The following RAD51B variants were observed in gnomAD, a reference collection of about 807,000 sequenced individuals.
RAD51B encodes DNA repair protein RAD51 homolog 2.
In RAD51B, 38 loss-of-function variants were observed where a neutral mutation model predicts 42.2. That is an observed-to-expected ratio of 0.90 (90% CI 0.70 to 1.18). The LOEUF is 1.18. RAD51B is among the 50% of genes most tolerant of loss of function. RAD51B has a pLI of 0.00. For synonymous variants in RAD51B, 154 were observed against 145.2 expected, an observed-to-expected ratio of 1.06 and a Z score of -0.43; for missense variants, 373 against 400.7, an observed-to-expected ratio of 0.93 and a Z score of 0.59.
chr14:68,475,711 A>G (rs1208394415), intron 10 of RAD51B, among the ~76,000 whole-genome samples: 2 of 152,190 alleles, frequency 1.3e-5, no homozygotes, highest in Non-Finnish European at 1.5e-5. Flanking sequence ...ATGAAACAAA[A>G]TATCAGTTGA....
chr14:68,295,763 G>T (rs943344718), intron 8 of RAD51B, among the ~76,000 whole-genome samples: 2 of 152,120 alleles, frequency 1.3e-5, no homozygotes, highest in Non-Finnish European at 2.9e-5. Context: ...TCATTTTATC[G>T]CTGGCTGCTC....
intron 10 of RAD51B, among the ~76,000 whole-genome samples, chr14:68,526,222 G>T (rs1464599852): frequency 6.6e-6 from 1 of 152,152 alleles, no homozygotes; most frequent in East Asian, 1.9e-4. Flanking sequence ...AAATCTTGAG[G>T]CAAGTCATTT....
At chr14:68,630,219 T>G (rs17106065) in intron 10 of RAD51B, among the ~76,000 whole-genome samples, 4,864 of 152,238 alleles carry the variant, frequency 0.032, 240 homozygotes, top group African/African-American at 0.11. Context: ...ATTGCCTGGG[T>G]TGCTAAGTGG....
intron 4 of RAD51B, among the ~76,000 whole-genome samples, chr14:67,859,517 A>G (rs1486140537): frequency 6.6e-6 from 1 of 152,234 alleles, no homozygotes; most frequent in African/African-American, 2.4e-5. Context: ...TAACAAAGAA[A>G]CACTTTCTGA....
Position 68,052,796 on chromosome 14 carries a change from G to GT in RAD51B, c.756+165605dup, listed in dbSNP as rs1160215989. 4.1e-3 allele frequency among the ~76,000 whole-genome samples: 580 copies of GT among 141,296 alleles called. 1 individual carries two copies. The highest frequency in any genetic ancestry group is 5.7e-3 in the East Asian group (28 of 4,886). 92.7% of individuals were successfully genotyped at this position (141,296 alleles called of 152,430 possible). A position where few individuals can be genotyped will look rare whatever the true frequency, so the allele number is the denominator to read the frequency against. ...CCACCATGCCTGGCTATTTTTTTGT[G>GT]TTTTTTTTTTTTTCTTTTGTAGAGA... On this transcript the variant is annotated intron_variant, in intron 7 of 10. Coordinates refer to ENST00000471583, the MANE Select transcript of RAD51B (RefSeq NM_133510.4).
At chr14:68,235,822 T>G (rs920389395) in intron 7 of RAD51B, among the ~76,000 whole-genome samples, 2 of 150,368 alleles carry the variant, frequency 1.3e-5, no homozygotes, top group Admixed American at 1.3e-4. Context: ...TCATCAGTGG[T>G]AGACTGGGTA....
At chr14:68,126,504 C>T (rs1274764895) in intron 7 of RAD51B, among the ~76,000 whole-genome samples, 2 of 152,222 alleles carry the variant, frequency 1.3e-5, no homozygotes, top group East Asian at 3.9e-4. Context: ...AAACTATAGC[C>T]CCTCACCAAA....
intron 11 of RAD51B, among the ~76,000 whole-genome samples, chr14:68,657,701 G>A (rs997438555): frequency 7.9e-5 from 12 of 152,268 alleles, no homozygotes; most frequent in African/African-American, 2.7e-4. Flanking sequence ...CTGCAGGCAG[G>A]AAAAGGTTGT....
At chr14:68,140,306 G>C (rs2767365) in intron 7 of RAD51B, among the ~76,000 whole-genome samples, 132,076 of 152,196 alleles carry the variant, frequency 0.87, 57,571 homozygotes, top group East Asian at 0.98. Context: ...TCCTTTTCCT[G>C]CAACTCAGCT....
intron 7 of RAD51B, among the ~76,000 whole-genome samples, chr14:67,969,388 C>T (rs1053330919): frequency 5.1e-4 from 78 of 152,258 alleles, no homozygotes; most frequent in African/African-American, 1.8e-3. Flanking sequence ...TCTCCTTAAC[C>T]CACTTCTACC....
chr14:68,158,437 T>C (rs1184972088), intron 7 of RAD51B, among the ~76,000 whole-genome samples: 1 of 152,222 alleles, frequency 6.6e-6, no homozygotes, highest in African/African-American at 2.4e-5. Flanking sequence ...ACCACAGATG[T>C]GTTTAATTTC....
intron 4 of RAD51B, among the ~76,000 whole-genome samples, chr14:67,846,707 G>A (rs1050452409): frequency 6.6e-6 from 1 of 152,206 alleles, no homozygotes; most frequent in Middle Eastern, 3.2e-3. Flanking sequence ...GACCCTGGGA[G>A]AGGCCAGCAG....
intron 10 of RAD51B, among the ~76,000 whole-genome samples, chr14:68,622,061 G>A (rs950600648): frequency 6.6e-6 from 1 of 152,200 alleles, no homozygotes; most frequent in African/African-American, 2.4e-5. Context: ...TGGAATGACT[G>A]GGCAAGCATG....
chr14:68,355,544 GGAA>G (rs2082882318), intron 8 of RAD51B, among the ~76,000 whole-genome samples: 1 of 152,120 alleles, frequency 6.6e-6, no homozygotes, highest in African/African-American at 2.4e-5. Flanking sequence ...ATACCTCCCT[GGAA>G]CCGGACTGAA....
chr14:68,045,878 T>C (rs1198074298), intron 7 of RAD51B, among the ~76,000 whole-genome samples: 1 of 152,022 alleles, frequency 6.6e-6, no homozygotes, highest in East Asian at 1.9e-4. Context: ...GGGTTTAAAA[T>C]TACTATATTT....
chr14:68,069,780 T>C (rs1388454770), intron 7 of RAD51B: 1 of 152,154 alleles, frequency 6.6e-6, no homozygotes, highest in Non-Finnish European at 1.5e-5. Flanking sequence ...GAATGATTTA[T>C]TAATACATTT....
chr14:68,663,296 C>T (rs1892969852), intron 11 of RAD51B, among the ~76,000 whole-genome samples: 2 of 137,092 alleles, frequency 1.5e-5, no homozygotes, highest in African/African-American at 2.7e-5. Context: ...GAGTGAGACT[C>T]CATCTCAAAA....
chr14:68,131,895 A>G (rs1019113010), intron 7 of RAD51B, among the ~76,000 whole-genome samples: 1 of 152,248 alleles, frequency 6.6e-6, no homozygotes, highest in Non-Finnish European at 1.5e-5. Flanking sequence ...AGCCTAAAAA[A>G]GAGAAAACTT....
intron 10 of RAD51B, among the ~76,000 whole-genome samples, chr14:68,640,346 C>T (rs1892434068): frequency 6.6e-6 from 1 of 152,194 alleles, no homozygotes; most frequent in African/African-American, 2.4e-5. Flanking sequence ...TCTCTGGGAG[C>T]CTTGGTTTCC....
Sources: gnomAD v4.1 joint callset for allele counts (sites outside exome capture counted in the v4.1 genomes callset) on GRCh38, gnomAD v4.1.1 for gene constraint, MANE v1.5 for transcripts, NCBI Gene and HGNC (gene_info 2026-07-23, HGNC 2026-07-21) for gene names.